The following TFEC variants were observed in gnomAD, a reference collection of about 807,000 sequenced individuals.
TFEC encodes the protein transcription factor EC, also known as class E basic helix-loop-helix protein 34.
Under a neutral mutation model 41.6 loss-of-function variants are expected in TFEC, and 31 were observed. The observed-to-expected ratio is 0.74, with a 90% CI of 0.56 to 1.01. TFEC has a LOEUF of 1.01. Among genes scored for constraint, TFEC ranks in the 50% least tolerant of loss-of-function variants. TFEC has a pLI of 0.00. For missense variants in TFEC, 402 were observed against 404.1 expected, an observed-to-expected ratio of 0.99 and a Z score of 0.04; for synonymous variants, 143 against 140.6, an observed-to-expected ratio of 1.02 and a Z score of -0.12.
intron 3 of TFEC, among the ~76,000 whole-genome samples, chr7:116,047,351 A>G (rs1176827416): frequency 6.6e-6 from 1 of 152,160 alleles, no homozygotes; most frequent in Non-Finnish European, 1.5e-5. Context: ...CCAGGAGATT[A>G]TATCCTGCAC....
At chr7:115,987,891 T>TG (rs1419574316) in intron 1 of TFEC, among the ~76,000 whole-genome samples, 1 of 152,132 alleles carries the variant, frequency 6.6e-6, no homozygotes, top group East Asian at 1.9e-4. Context: ...GATATCAAAG[T>TG]ATTTGCTAGG....
intron 3 of TFEC, among the ~76,000 whole-genome samples, chr7:116,083,692 C>G (rs1489951135): frequency 1.3e-5 from 2 of 151,908 alleles, no homozygotes; most frequent in Non-Finnish European, 1.5e-5. Flanking sequence ...CCTGCCCACA[C>G]CAACCATATT....
chr7:115,984,680 G>C (rs1793776919), intron 1 of TFEC, among the ~76,000 whole-genome samples, 167 bp from the exon 2 acceptor site: 1 of 152,026 alleles, frequency 6.6e-6, no homozygotes, highest in African/African-American at 2.4e-5. Context: ...ATTTTAATGG[G>C]TTATGATTAT....
chr7:116,000,469 A>G (rs1794547417), intron 1 of TFEC, among the ~76,000 whole-genome samples: 1 of 152,164 alleles, frequency 6.6e-6, no homozygotes, highest in Non-Finnish European at 1.5e-5. Flanking sequence ...AAAGAAATAA[A>G]TGGCATCCAA....
chr7:115,968,178 T>C, intron 3 of TFEC: 1 of 1,525,800 alleles, frequency 6.6e-7, no homozygotes, highest in Non-Finnish European at 8.8e-7. Context: ...AAAATATACT[T>C]GCTCACCAGT....
intron 3 of TFEC, among the ~76,000 whole-genome samples, chr7:116,062,560 CATAT>C (rs57742551): frequency 0.028 from 2,875 of 101,194 alleles, 61 homozygotes; most frequent in African/African-American, 0.045. Flanking sequence ...GAGTAGTACT[CATAT>C]ATATATATAT....
At chr7:116,146,411 C>T (rs1176275085) in intron 1 of TFEC, among the ~76,000 whole-genome samples, 1 of 152,146 alleles carries the variant, frequency 6.6e-6, no homozygotes, top group Non-Finnish European at 1.5e-5. Context: ...ATGGAGATAC[C>T]TGCCTATTGC....
intron 3 of TFEC, among the ~76,000 whole-genome samples, chr7:116,091,616 T>C (rs1034410924): frequency 1.2e-4 from 18 of 152,084 alleles, no homozygotes; most frequent in African/African-American, 1.7e-4. Flanking sequence ...ACAAAGATAT[T>C]TGGCTTCCAA....
intron 3 of TFEC, among the ~76,000 whole-genome samples, chr7:116,102,501 T>C (rs1797626934): frequency 6.6e-6 from 1 of 152,088 alleles, no homozygotes; most frequent in Admixed American, 6.6e-5. Context: ...TGATGACAAA[T>C]AATGATGACC....
intron 2 of TFEC, among the ~76,000 whole-genome samples, chr7:115,979,042 C>T (rs1053471365): frequency 2.0e-5 from 3 of 152,148 alleles, no homozygotes; most frequent in Non-Finnish European, 2.9e-5. Flanking sequence ...AACATCTCCA[C>T]GTGATGATCT....
intron 3 of TFEC, among the ~76,000 whole-genome samples, chr7:116,065,908 G>A (rs767437421): frequency 6.6e-6 from 1 of 152,060 alleles, no homozygotes; most frequent in Non-Finnish European, 1.5e-5. Context: ...GCTACATGGT[G>A]CCAACTTAAA....
At chr7:115,950,782 T>A in intron 6 of TFEC, 92 bp downstream of exon 6, 1 of 917,858 alleles carries the variant, frequency 1.1e-6, no homozygotes. Flanking sequence ...CTTAGTTTCC[T>A]AGTCATTGGT....
chr7:115,986,222 A>G (rs867749734), intron 1 of TFEC, among the ~76,000 whole-genome samples: 1 of 152,304 alleles, frequency 6.6e-6, no homozygotes, highest in Middle Eastern at 3.4e-3. Context: ...TGATAATAAT[A>G]TTAAGCAACA....
intron 2 of TFEC, among the ~76,000 whole-genome samples, chr7:115,979,642 T>A (rs955283228): frequency 6.6e-6 from 1 of 152,134 alleles, no homozygotes; most frequent in Non-Finnish European, 1.5e-5. Context: ...CTTCTCCTGG[T>A]TGTCCTAAGT....
chr7:115,967,216 C>T (rs1792897886), intron 3 of TFEC, among the ~76,000 whole-genome samples: 1 of 151,254 alleles, frequency 6.6e-6, no homozygotes, highest in Non-Finnish European at 1.5e-5. Flanking sequence ...AAAAAAATAC[C>T]TTATATATAT....
intron 1 of TFEC, among the ~76,000 whole-genome samples, chr7:116,001,393 G>A (rs1272941482): frequency 6.6e-6 from 1 of 151,916 alleles, no homozygotes; most frequent in Admixed American, 6.6e-5. Flanking sequence ...GAATCGGGAG[G>A]CTGAGGCAGG....
rs114515889 is a variant in TFEC, at chr7:116,076,843, A to T, written c.198+33865T>A. ...AAGAAGAGAAATCTAAACATTTGGTAAACATACTTGAGAAAATAATTGAGA... is the reference window on the plus strand; with the variant it reads ...AAGAAGAGAAATCTAAACATTTGGTTAACATACTTGAGAAAATAATTGAGA... On this transcript the variant is annotated intron_variant, in intron 3 of 8. Coordinates refer to the TFEC transcript ENST00000484212. 8.6e-3 allele frequency among the ~76,000 whole-genome samples: 1,309 copies of T among 152,268 alleles called. 28 individuals are homozygous for T. The highest frequency in any genetic ancestry group is 0.03 in the African/African-American group (1,248 of 41,536).
intron 3 of TFEC, among the ~76,000 whole-genome samples, chr7:116,047,767 C>T (rs1397271236): frequency 6.6e-6 from 1 of 152,144 alleles, no homozygotes; most frequent in East Asian, 1.9e-4. Context: ...GGGAAACTGA[C>T]ACCTCATACA....
intron 1 of TFEC, among the ~76,000 whole-genome samples, chr7:116,138,443 G>C (rs193233378): frequency 6.6e-6 from 1 of 152,254 alleles, no homozygotes; most frequent in Non-Finnish European, 1.5e-5. Context: ...TTGTTAGGGA[G>C]AATCTGCATC....
Sources: allele counts gnomAD v4.1 joint callset (sites outside exome capture counted in the v4.1 genomes callset), GRCh38; gene constraint gnomAD v4.1.1; transcripts MANE v1.5; gene names NCBI Gene and HGNC (gene_info 2026-07-23, HGNC 2026-07-21).